SASH1: variants seen among roughly 807,000 people sequenced by gnomAD.
SASH1 encodes SAM and SH3 domain containing 1.
In SASH1, 44 loss-of-function variants were observed where a neutral mutation model predicts 125.2. The observed-to-expected ratio is 0.35, with a 90% CI of 0.28 to 0.45. SASH1 has a LOEUF of 0.45. SASH1 is among the 20% of genes least tolerant of loss of function. The pLI is 1.00. For synonymous variants in SASH1, 639 were observed against 649.1 expected (o/e 0.98, Z 0.24); for missense variants, 1,426 against 1,614.5 (o/e 0.88, Z 2.00).
intron 1 of SASH1, among the ~76,000 whole-genome samples, chr6:148,355,705 C>T (rs1245212194): frequency 2.0e-5 from 3 of 152,154 alleles, no homozygotes; most frequent in African/African-American, 7.2e-5. Flanking sequence ...ATAGAATGAA[C>T]ACATTCCTTA....
intron 2 of SASH1, among the ~76,000 whole-genome samples, chr6:148,395,714 A>G (rs1421369907): frequency 3.9e-5 from 6 of 152,144 alleles, no homozygotes; most frequent in African/African-American, 1.4e-4. Context: ...ATATCTCTCC[A>G]CATTTGGCAC....
chr6:148,475,634 C>T (rs1031136704), intron 7 of SASH1, among the ~76,000 whole-genome samples: 6 of 152,154 alleles, frequency 3.9e-5, no homozygotes, highest in Non-Finnish European at 5.9e-5. Flanking sequence ...ACATAGAAAC[C>T]GTAACATTCA....
intron 2 of SASH1, among the ~76,000 whole-genome samples, chr6:148,419,625 G>A (rs977314052): frequency 7.9e-5 from 12 of 152,106 alleles, no homozygotes; most frequent in Admixed American, 6.5e-4. Flanking sequence ...GTTCAGACTC[G>A]CTGCTTTTAT....
At chr6:148,338,918 T>C (rs1369890881), upstream of SASH1, among the ~76,000 whole-genome samples, 4 of 149,972 alleles carry the variant, frequency 2.7e-5, 1 homozygote, top group South Asian at 4.2e-4. Context: ...GGCAGGAGAA[T>C]TGCTTGAACC....
chr6:148,476,691 A>G (rs1031628890), intron 7 of SASH1, among the ~76,000 whole-genome samples: 4 of 152,098 alleles, frequency 2.6e-5, no homozygotes, highest in African/African-American at 7.2e-5. Context: ...CAACCCCCAA[A>G]AAAAGGAAGA....
chr6:148,382,882 C>T (rs1267630406), intron 1 of SASH1, among the ~76,000 whole-genome samples: 1 of 152,224 alleles, frequency 6.6e-6, no homozygotes, highest in Non-Finnish European at 1.5e-5. Flanking sequence ...TATGGGTGTG[C>T]CCCTGGGGGC....
At chr6:148,245,170 T>C in the SASH1 span, among the ~76,000 whole-genome samples, 1 of 152,196 alleles carries the variant, frequency 6.6e-6, no homozygotes, top group Non-Finnish European at 1.5e-5. Flanking sequence ...ACTTCCTCTC[T>C]GCTTATGAAA....
chr6:148,322,806 C>T (rs1780671674), intron 1 of SASH1, among the ~76,000 whole-genome samples: 1 of 152,186 alleles, frequency 6.6e-6, no homozygotes, highest in South Asian at 2.1e-4. Flanking sequence ...TTTTGCCTTT[C>T]ACAGTTTTCC....
At chr6:148,327,951 A>AAG (rs1780882781) in intron 1 of SASH1, among the ~76,000 whole-genome samples, 2 of 148,198 alleles carry the variant, frequency 1.3e-5, no homozygotes, top group Non-Finnish European at 1.5e-5. Flanking sequence ...AAAAAAAAAA[A>AAG]AAAAAGAAAA....
At chr6:148,357,806 TC>T in intron 1 of SASH1, among the ~76,000 whole-genome samples, 1 of 152,234 alleles carries the variant, frequency 6.6e-6, no homozygotes, top group Non-Finnish European at 1.5e-5. Flanking sequence ...ACACCTGTGA[TC>T]CCAGCATTTT....
intron 1 of SASH1, among the ~76,000 whole-genome samples, chr6:148,315,414 G>A (rs1415315764): frequency 6.6e-6 from 1 of 152,146 alleles, no homozygotes; most frequent in Non-Finnish European, 1.5e-5. Context: ...GTAACTTGCT[G>A]GGAGTTGAAG....
chr6:148,208,610 CT>C, the SASH1 span, among the ~76,000 whole-genome samples: 1 of 152,176 alleles, frequency 6.6e-6, no homozygotes. Context: ...TCTCACTTGA[CT>C]TAAACTTTTG....
At chr6:148,222,016 T>C in the SASH1 span, among the ~76,000 whole-genome samples, 20 of 152,342 alleles carry the variant, frequency 1.3e-4, no homozygotes, top group African/African-American at 4.6e-4. Context: ...CATTCCTCTC[T>C]TCCTTTATAA....
the SASH1 span, among the ~76,000 whole-genome samples, chr6:148,223,598 G>A: frequency 6.6e-6 from 1 of 152,170 alleles, no homozygotes; most frequent in Non-Finnish European, 1.5e-5. Context: ...CATTTTAAAT[G>A]TGATGTCTCA....
chr6:148,545,215 C>A (rs1782486913), intron 18 of SASH1, among the ~76,000 whole-genome samples: 1 of 151,862 alleles, frequency 6.6e-6, no homozygotes, highest in African/African-American at 2.4e-5. Context: ...AAAATTATTT[C>A]TCATTCAAAA....
the SASH1 span, among the ~76,000 whole-genome samples, chr6:148,263,266 T>G: frequency 2.0e-5 from 3 of 152,212 alleles, no homozygotes; most frequent in African/African-American, 7.2e-5. Flanking sequence ...TGAGAAAGCC[T>G]GTGCCTGCCT....
chr6:148,263,981 T>A, the SASH1 span, among the ~76,000 whole-genome samples: 3 of 152,166 alleles, frequency 2.0e-5, no homozygotes, highest in Non-Finnish European at 4.4e-5. Context: ...CAATCATTTA[T>A]CCTAGGTGTC....
rs562733756 is a variant in SASH1, at chr6:148,549,401, A to C, written c.*843A>C. On this transcript the variant is annotated 3_prime_UTR_variant, in exon 20 of 20. Transcript: ENST00000367467. Reference sequence around the variant, plus strand: ...AAGCTATCTGAAATTCACAAATATCATGTGTGTGCGTGCGTGCGTGCGCGT... The same window carrying C: ...AAGCTATCTGAAATTCACAAATATCCTGTGTGTGCGTGCGTGCGTGCGCGT... 1 of 386,036 alleles carries C rather than the reference A, an allele frequency of 2.6e-6. No individual in the cohort carries two copies. The highest frequency in any genetic ancestry group is 1.5e-4 in the South Asian group (1 of 6,886). 23.9% of individuals were successfully genotyped at this position (386,036 alleles called of 1,614,324 possible).
At chr6:148,195,237 T>C in the SASH1 span, among the ~76,000 whole-genome samples, 1 of 152,236 alleles carries the variant, frequency 6.6e-6, no homozygotes, top group Non-Finnish European at 1.5e-5. Flanking sequence ...TGACAAACTA[T>C]AGAAAAATTA....
Sources: gnomAD v4.1 joint callset for allele counts (sites outside exome capture counted in the v4.1 genomes callset) on GRCh38, gnomAD v4.1.1 for gene constraint, MANE v1.5 for transcripts, NCBI Gene and HGNC (gene_info 2026-07-23, HGNC 2026-07-21) for gene names.